Variants in RORA observed in about 807,000 individuals in gnomAD.
RORA encodes the protein RAR related orphan receptor A.
In RORA, 7 loss-of-function variants were observed where a neutral mutation model predicts 69.5. That is an observed-to-expected ratio of 0.10 (90% confidence interval 0.06 to 0.19). RORA has a LOEUF of 0.19. RORA is among the 10% of genes least tolerant of loss of function. RORA has a pLI of 1.00. For synonymous variants in RORA, 261 were observed against 240.8 expected, an observed-to-expected ratio of 1.08 and a Z score of -0.78; for missense variants, 457 against 663.0, an observed-to-expected ratio of 0.69 and a Z score of 3.41.
intron 2 of RORA, among the ~76,000 whole-genome samples, chr15:60,640,556 C>A (rs1020971861): frequency 1.2e-4 from 18 of 152,194 alleles, no homozygotes; most frequent in African/African-American, 3.9e-4. Flanking sequence ...TTCAAAGGCC[C>A]ATGTGATCAA....
intron 1 of RORA, among the ~76,000 whole-genome samples, chr15:60,911,703 AT>A (rs60693324): frequency 0.31 from 44,405 of 142,754 alleles, 7,381 homozygotes; most frequent in East Asian, 0.62. Flanking sequence ...CGGATTTTTG[AT>A]TTTTTTTTTT....
chr15:60,860,507 G>A (rs1328357309), intron 1 of RORA, among the ~76,000 whole-genome samples: 3 of 152,276 alleles, frequency 2.0e-5, no homozygotes, highest in East Asian at 1.9e-4. Flanking sequence ...GTCCCTTTAC[G>A]ATGGCTGAAT....
chr15:60,574,113 G>C (rs969927494), intron 2 of RORA, among the ~76,000 whole-genome samples: 1 of 152,092 alleles, frequency 6.6e-6, no homozygotes. Flanking sequence ...GGGGCTGTTG[G>C]GTCAGAACAG....
intron 1 of RORA, among the ~76,000 whole-genome samples, chr15:60,918,930 C>T (rs1289387738): frequency 4.6e-5 from 7 of 152,092 alleles, no homozygotes; most frequent in African/African-American, 1.4e-4. Flanking sequence ...CTAAGGGGTA[C>T]GAAACCCAGG....
intron 1 of RORA, among the ~76,000 whole-genome samples, chr15:61,106,115 G>T (rs2078946227): frequency 6.6e-6 from 1 of 152,158 alleles, no homozygotes; most frequent in Non-Finnish European, 1.5e-5. Flanking sequence ...TTCTTAAAGG[G>T]CCCTAAAGAA....
intron 3 of RORA, among the ~76,000 whole-genome samples, chr15:60,515,227 C>T (rs1430230359): frequency 6.6e-6 from 1 of 152,254 alleles, no homozygotes; most frequent in African/African-American, 2.4e-5. Context: ...GTAATCTTCA[C>T]TAGCCCACTT....
At chr15:60,678,523 GA>G in intron 2 of RORA, 133 bp downstream of exon 2, 40 of 721,258 alleles carry the variant, frequency 5.5e-5, no homozygotes, top group Non-Finnish European at 7.4e-5. Context: ...ACTACAGATT[GA>G]AAAAAAATGA....
chr15:60,633,298 G>T (rs2069775568), intron 2 of RORA, among the ~76,000 whole-genome samples: 1 of 152,158 alleles, frequency 6.6e-6, no homozygotes, highest in Non-Finnish European at 1.5e-5. Context: ...GAATTCTGAT[G>T]ATCTTAAATT....
At chr15:60,976,476 G>A (rs1442602010) in intron 1 of RORA, among the ~76,000 whole-genome samples, 1 of 152,080 alleles carries the variant, frequency 6.6e-6, no homozygotes, top group African/African-American at 2.4e-5. Flanking sequence ...GATCCTTCTA[G>A]ACCCACTCCT....
In RORA at chr15:61,092,695, A is replaced by G. The variant is rs548878145; in HGVS notation, c.166+136358T>C. Among the ~76,000 whole-genome samples, 42 of 152,360 alleles carry G rather than the reference A, an allele frequency of 2.8e-4. No individual in the cohort carries two copies. In the South Asian group the frequency reaches 3.9e-3, roughly 14 times the overall value. On this transcript the variant is annotated intron_variant, in intron 1 of 10. Coordinates refer to ENST00000335670, the MANE Select transcript of RORA (RefSeq NM_134261.3). Reference sequence around the variant, plus strand: ...TCTCTACAATCTGATGGGCTTACATATTGCAAAATGAAATAAAAGCACATT... The same window carrying G: ...TCTCTACAATCTGATGGGCTTACATGTTGCAAAATGAAATAAAAGCACATT...
intron 2 of RORA, among the ~76,000 whole-genome samples, chr15:60,535,644 T>C (rs1595929002): frequency 6.6e-6 from 1 of 152,202 alleles, no homozygotes; most frequent in South Asian, 2.1e-4. Flanking sequence ...CCTCAGGACC[T>C]ATCTTAGGAG....
chr15:60,579,525 C>T (rs2068130051), intron 2 of RORA, among the ~76,000 whole-genome samples: 3 of 152,084 alleles, frequency 2.0e-5, no homozygotes, highest in South Asian at 4.2e-4. Context: ...AAAGAAATTA[C>T]AGTACTGTTG....
At chr15:60,527,616 G>A (rs1365311112) in intron 3 of RORA, among the ~76,000 whole-genome samples, 7 of 152,196 alleles carry the variant, frequency 4.6e-5, no homozygotes, top group Non-Finnish European at 1.0e-4. Context: ...AACCTTGCAG[G>A]CCTGGATTCT....
chr15:60,947,803 G>T (rs1170712148), intron 1 of RORA, among the ~76,000 whole-genome samples: 1 of 151,496 alleles, frequency 6.6e-6, no homozygotes, highest in South Asian at 2.1e-4. Context: ...TGCAGCCTCC[G>T]CAGTGGGAGA....
At chr15:60,955,020 A>C (rs1366344205) in intron 1 of RORA, among the ~76,000 whole-genome samples, 3 of 152,176 alleles carry the variant, frequency 2.0e-5, no homozygotes, top group African/African-American at 2.4e-5. Context: ...AATCCATCTT[A>C]AGGCTGGGCG....
chr15:60,715,932 A>G (rs544566353), intron 1 of RORA, among the ~76,000 whole-genome samples: 1 of 152,332 alleles, frequency 6.6e-6, no homozygotes, highest in Non-Finnish European at 1.5e-5. Context: ...CTCTCAACCT[A>G]ATGTAGGAGA....
chr15:61,135,624 C>T (rs2079231484), intron 1 of RORA, among the ~76,000 whole-genome samples: 1 of 141,708 alleles, frequency 7.1e-6, no homozygotes, highest in Non-Finnish European at 1.5e-5. Flanking sequence ...AATCCTAAAA[C>T]CATGCGGCTA....
chr15:61,219,357 G>C (rs550105513), intron 1 of RORA, among the ~76,000 whole-genome samples: 1 of 152,166 alleles, frequency 6.6e-6, no homozygotes, highest in Non-Finnish European at 1.5e-5. Context: ...GGAGGATCAC[G>C]AGGTCAGGAG....
At chr15:60,610,382 C>A (rs2069057774) in intron 2 of RORA, among the ~76,000 whole-genome samples, 1 of 152,160 alleles carries the variant, frequency 6.6e-6, no homozygotes, top group Non-Finnish European at 1.5e-5. Context: ...TCTCATCTTT[C>A]TAGCACATCT....
Sources: gnomAD v4.1 joint callset for allele counts (sites outside exome capture counted in the v4.1 genomes callset) on GRCh38, gnomAD v4.1.1 for gene constraint, MANE v1.5 for transcripts, NCBI Gene and HGNC (gene_info 2026-07-23, HGNC 2026-07-21) for gene names.